MBOAT7: variants seen among roughly 807,000 people sequenced by gnomAD.
The protein encoded by MBOAT7 is membrane-bound acylglycerophosphatidylinositol O-acyltransferase MBOAT7.
In MBOAT7, 40 loss-of-function variants were observed where a neutral mutation model predicts 47.4. The observed-to-expected ratio is 0.84, with a 90% CI of 0.66 to 1.10. The LOEUF (loss-of-function observed/expected upper bound fraction) is 1.10, where lower values mean the gene tolerates loss of function less well. Ranked by LOEUF, MBOAT7 falls within the 50% of genes least tolerant of loss-of-function variation. MBOAT7 has a pLI of 0.00. For synonymous variants in MBOAT7, 361 were observed against 292.0 expected, an observed-to-expected ratio of 1.24 and a Z score of -2.41; for missense variants, 680 against 655.6, an observed-to-expected ratio of 1.04 and a Z score of -0.41.
At chr19:54,176,601 C>T (rs1051385339) in intron 7 of MBOAT7, among the ~76,000 whole-genome samples, 44 of 152,168 alleles carry the variant, frequency 2.9e-4, no homozygotes, top group African/African-American at 1.0e-3. Flanking sequence ...CCCCCACCCA[C>T]GACATCCGAC....
intron 3 of MBOAT7, 34 bp from the exon 4 acceptor site, chr19:54,187,321 A>C: frequency 6.4e-7 from 1 of 1,574,768 alleles, no homozygotes; most frequent in South Asian, 1.2e-5. Flanking sequence ...TGTGTTGGGC[A>C]CAGAAGTCTC....
intron 5 of MBOAT7, among the ~76,000 whole-genome samples, chr19:54,182,137 T>TG (rs1380066268): frequency 3.9e-5 from 6 of 151,988 alleles, no homozygotes; most frequent in Non-Finnish European, 8.8e-5. Context: ...GATGGTGGTC[T>TG]GGCCTAGGGA....
At chr19:54,174,755 G>A (rs1029679053) in intron 7 of MBOAT7, among the ~76,000 whole-genome samples, 1 of 151,584 alleles carries the variant, frequency 6.6e-6, no homozygotes, top group Non-Finnish European at 1.5e-5. Flanking sequence ...TCAGATCCAG[G>A]AGACCAGGCC....
Position 54,178,929 on chromosome 19 carries a change from C to G in MBOAT7, c.867G>C (p.Ala289=), listed in dbSNP as rs754793229. ...TCTCATAGTCATACTCCAAGGAAGC[C>G]GCCTTCTCCGGACTGGGGGGTGGAG... ...QCPPPSSPEK[A]ASLEYDYETI... The change falls in exon 7 of 8, where the codon GCG becomes GCC. Residue 289 remains alanine (A), a synonymous_variant. Coordinates refer to ENST00000245615, the MANE Select transcript of MBOAT7 (RefSeq NM_024298.5). 1 of 1,612,944 alleles carries G rather than the reference C, an allele frequency of 6.2e-7. No individual in the cohort carries two copies. Among genetic ancestry groups the G allele is most frequent in the South Asian group, 1.1e-5 (1 of 91,078 alleles).
rs963213755 is a variant in MBOAT7, at chr19:54,180,217, G to A, written c.854+556C>T. Reference sequence around the variant, plus strand: ...AGGGCTGCTGAGGGCTGCTATGTGAGGACATCCCACGGGGTGGAGCAGTGC... The same window carrying A: ...AGGGCTGCTGAGGGCTGCTATGTGAAGACATCCCACGGGGTGGAGCAGTGC... On this transcript the variant is annotated intron_variant, in intron 6 of 7. Coordinates refer to ENST00000245615, the MANE Select transcript of MBOAT7 (RefSeq NM_024298.5). The surrounding 1 kb of genome is among the most constrained non-coding windows in gnomAD (Gnocchi z 5.2). 6.6e-6 allele frequency: 1 copy of A among 152,584 alleles called. No individual in the cohort carries two copies. The highest frequency in any genetic ancestry group is 1.5e-5 in the Non-Finnish European group (1 of 68,328). The allele number at this position is 152,584 out of a possible 1,614,324, so 9.5% of individuals were successfully genotyped here.
chr19:54,175,568 A>G (rs1021660408), intron 7 of MBOAT7, among the ~76,000 whole-genome samples: 84 of 149,962 alleles, frequency 5.6e-4, no homozygotes, highest in African/African-American at 2.0e-3. Context: ...ATCTTTCCTC[A>G]CTCTTTTTAT....
rs753465461 is a variant in MBOAT7, at chr19:54,181,080, C to G, written c.547G>C (p.Gly183Arg). 7.4e-6 allele frequency: 11 copies of G among 1,478,272 alleles called. No homozygotes were observed. Among genetic ancestry groups the G allele is most frequent in the Admixed American group, 2.1e-5 (1 of 46,800 alleles). The allele number at this position is 1,478,272 out of a possible 1,614,324, so 91.6% of individuals were successfully genotyped here. Reference sequence around the variant, plus strand: ...AGGGGCCGCAGGCTGGGCACTGCCCCGGGGAAGGGCTGCTCCAGCCAGTCC... The same window carrying G: ...AGGGGCCGCAGGCTGGGCACTGCCCGGGGGAAGGGCTGCTCCAGCCAGTCC... ...YLDWLEQPFP[G>R]AVPSLRPLLR... is the part of the protein sequence containing the mutation. Residue 183 changes from glycine (G) to arginine (R), a missense_variant, in exon 6 of 8, where the codon GGG becomes CGG. Transcript: ENST00000245615.
intron 4 of MBOAT7, among the ~76,000 whole-genome samples, chr19:54,185,182 G>A (rs919231661): frequency 4.6e-5 from 7 of 152,104 alleles, no homozygotes; most frequent in Non-Finnish European, 7.3e-5. Flanking sequence ...TCCAGCCTGG[G>A]CAACAGAGCG....
Position 54,188,442 on chromosome 19 carries a change from T to G in MBOAT7, c.67A>C (p.Lys23Gln). ...LISIPIGFLF[K>Q]KAGPGLKRWG... ...AGGGAGCCTGACTCACCGGCTTTCT[T>G]AAAGAGGAAGCCGATGGGGATGGAG... The change falls in exon 2 of 8, where the codon AAG becomes CAG. Residue 23 changes from lysine (K) to glutamine (Q), a missense_variant. Coordinates refer to ENST00000245615, the MANE Select transcript of MBOAT7 (RefSeq NM_024298.5). The G allele has an allele frequency of 6.4e-7, 1 of 1,561,218 alleles. No individual in the cohort carries two copies. Among genetic ancestry groups the G allele is most frequent in the Non-Finnish European group, 8.7e-7 (1 of 1,151,658 alleles).
chr19:54,185,439 C>T (rs254281), intron 4 of MBOAT7, among the ~76,000 whole-genome samples: 88 of 152,002 alleles, frequency 5.8e-4, no homozygotes, highest in African/African-American at 2.0e-3. Flanking sequence ...CTCCTTCTGC[C>T]GGGCTGGGGT....
chr19:54,177,900 GTTTTTT>G (rs761565984), intron 7 of MBOAT7, among the ~76,000 whole-genome samples: 56 of 75,972 alleles, frequency 7.4e-4, no homozygotes, highest in Admixed American at 1.7e-4. Flanking sequence ...TTCTACTTCT[GTTTTTT>G]TTTTTTTTTT....
At chr19:54,186,721 TG>T (rs1399195975) in intron 4 of MBOAT7, among the ~76,000 whole-genome samples, 2 of 152,096 alleles carry the variant, frequency 1.3e-5, no homozygotes, top group East Asian at 3.8e-4. Flanking sequence ...GGGTCTGGGG[TG>T]GGCCCTAGGA....
chr19:54,188,014 T>TAAAAGAAAGAAAGAA (rs1449446333), intron 3 of MBOAT7, among the ~76,000 whole-genome samples: 2 of 82,446 alleles, frequency 2.4e-5, no homozygotes, highest in African/African-American at 1.4e-4. Flanking sequence ...AAACTCCATC[T>TAAAAGAAAGAAAGAA]CAGAAAGAAA....
intron 3 of MBOAT7, among the ~76,000 whole-genome samples, chr19:54,187,634 C>A (rs571141816): frequency 6.4e-4 from 97 of 152,324 alleles, no homozygotes; most frequent in Admixed American, 1.8e-3. Flanking sequence ...GCCAGGCCAG[C>A]AGACACACTG....
Position 54,178,822 on chromosome 19 carries a change from T to G in MBOAT7, c.974A>C (p.Gln325Pro). The change falls in exon 7 of 8, where the codon CAG becomes CCG. Residue 325 changes from glutamine to proline, a missense_variant. Transcript: ENST00000245615. Reference sequence around the variant, plus strand: ...GTAGATATACTGCGCCAGCCACCACTGCACCGTCATGTTCCAGTACCGCAT... The same window carrying G: ...GTAGATATACTGCGCCAGCCACCACGGCACCGTCATGTTCCAGTACCGCAT... Reference protein sequence around the residue: ...DGMRYWNMTVQWWLAQYIYKS... With the variant: ...DGMRYWNMTVPWWLAQYIYKS... 1 of 1,613,586 alleles carries G rather than the reference T, an allele frequency of 6.2e-7. No homozygotes were observed. Among genetic ancestry groups the G allele is most frequent in the Non-Finnish European group, 8.5e-7 (1 of 1,180,016 alleles).
Position 54,173,771 on chromosome 19 carries a change from G to A in MBOAT7, c.*273C>T, listed in dbSNP as rs1600612213. On this transcript the variant is annotated 3_prime_UTR_variant, in exon 8 of 8. Transcript: ENST00000245615. ...CAGGGGCCCCTTCCGTTTTGGGGAA[G>A]TGCAGTGCTCTCTGGATACCCAGAA... 1 of 418,136 alleles carries A rather than the reference G, an allele frequency of 2.4e-6. No individual in the cohort carries two copies. The highest frequency in any genetic ancestry group is 3.8e-5 in the East Asian group (1 of 26,170). 25.9% of individuals were successfully genotyped at this position (418,136 alleles called of 1,614,324 possible).
intron 4 of MBOAT7, among the ~76,000 whole-genome samples, chr19:54,184,683 A>AC (rs1211798318): frequency 3.3e-5 from 5 of 152,180 alleles, no homozygotes; most frequent in Admixed American, 3.3e-4. Flanking sequence ...CAGGCGGATC[A>AC]CCTGAGGTCG....
chr19:54,177,361 T>G (rs1212401767), intron 7 of MBOAT7, among the ~76,000 whole-genome samples: 2 of 151,662 alleles, frequency 1.3e-5, no homozygotes, highest in Non-Finnish European at 2.9e-5. Context: ...AGTGGCGCGA[T>G]CTCGGCTCAC....
At chr19:54,182,913 C>G (rs868675494) in intron 5 of MBOAT7, among the ~76,000 whole-genome samples, 3 of 152,282 alleles carry the variant, frequency 2.0e-5, no homozygotes, top group Admixed American at 6.5e-5. Flanking sequence ...GTTGGCCAGG[C>G]TGGTCTCAAA....
Sources: allele counts gnomAD v4.1 joint callset (sites outside exome capture counted in the v4.1 genomes callset), GRCh38; gene constraint gnomAD v4.1.1; non-coding constraint Gnocchi (gnomAD v3.1); transcripts MANE v1.5; gene names NCBI Gene and HGNC (gene_info 2026-07-23, HGNC 2026-07-21).